Variants in DNAL1 observed in about 807,000 individuals in gnomAD.
The protein encoded by DNAL1 is chromosome 14 open reading frame 168.
Under a neutral mutation model 29.4 loss-of-function variants are expected in DNAL1, and 17 were observed. That is an observed-to-expected ratio of 0.58 (90% CI 0.40 to 0.87). The LOEUF is 0.87. Among genes scored for constraint, DNAL1 ranks in the 40% least tolerant of loss-of-function variants. The pLI, the probability that DNAL1 is intolerant of heterozygous loss-of-function variation, is 0.00. For synonymous variants in DNAL1, 78 were observed against 76.3 expected, an observed-to-expected ratio of 1.02 and a Z score of -0.12; for missense variants, 188 against 214.1, an observed-to-expected ratio of 0.88 and a Z score of 0.76.
chr14:73,667,540 C>G (rs1269290391), intron 4 of DNAL1, among the ~76,000 whole-genome samples: 1 of 152,128 alleles, frequency 6.6e-6, no homozygotes, highest in East Asian at 1.9e-4. Context: ...GCTCTGTCAC[C>G]CAGGCTGGAG....
chr14:73,655,174 T>A (rs961206285), intron 2 of DNAL1, among the ~76,000 whole-genome samples: 2 of 152,100 alleles, frequency 1.3e-5, no homozygotes, highest in Non-Finnish European at 2.9e-5. Context: ...TATACTGTAG[T>A]CATAAAATGT....
chr14:73,678,149 C>T (rs12434185), intron 5 of DNAL1, among the ~76,000 whole-genome samples: 34,256 of 149,902 alleles, frequency 0.23, 5,040 homozygotes, highest in Non-Finnish European at 0.34. Flanking sequence ...CTGCCCATGT[C>T]GGCCTCCCAA....
intron 1 of DNAL1, among the ~76,000 whole-genome samples, chr14:73,652,911 A>G (rs1891140715): frequency 6.6e-6 from 1 of 152,106 alleles, no homozygotes; most frequent in Non-Finnish European, 1.5e-5. Context: ...GCTTATTAGT[A>G]TGTCTTTACT....
intron 4 of DNAL1, among the ~76,000 whole-genome samples, chr14:73,664,736 T>C (rs1366370222): frequency 6.6e-6 from 1 of 152,000 alleles, no homozygotes; most frequent in Non-Finnish European, 1.5e-5. Context: ...CTGGGCATGG[T>C]GGTGTTTGCC....
In DNAL1 at chr14:73,696,312, A is replaced by G. The variant is rs1373963486; in HGVS notation, c.*370A>G. On this transcript the variant is annotated 3_prime_UTR_variant, in exon 8 of 8. Transcript: ENST00000553645. ...ATTTTTTTTAGGTTAGACATTTTAA[A>G]AGATGTACATTTGAAAATTCAGAAC... is the stretch of plus-strand genomic sequence containing the variant. 1 of 161,096 alleles carries G rather than the reference A, an allele frequency of 6.2e-6. No individual in the cohort carries two copies. The highest frequency in any genetic ancestry group is 2.4e-5 in the African/African-American group (1 of 41,640). 10.0% of individuals were successfully genotyped at this position (161,096 alleles called of 1,614,324 possible). A position where few individuals can be genotyped will look rare whatever the true frequency, so the allele number is the denominator to read the frequency against.
intron 4 of DNAL1, among the ~76,000 whole-genome samples, chr14:73,666,232 A>G (rs963060609): frequency 5.3e-5 from 8 of 152,210 alleles, no homozygotes; most frequent in African/African-American, 1.9e-4. Flanking sequence ...AGGTATTCCT[A>G]TTTAACAGGT....
chr14:73,687,595 G>A (rs1892049823), intron 6 of DNAL1, among the ~76,000 whole-genome samples: 1 of 152,176 alleles, frequency 6.6e-6, no homozygotes, highest in South Asian at 2.1e-4. Context: ...AGGATGGACC[G>A]GGCGCGGTGG....
chr14:73,654,703 G>A (rs533854521), intron 1 of DNAL1, 144 bp from the exon 2 acceptor site: 2 of 641,978 alleles, frequency 3.1e-6, no homozygotes, highest in Admixed American at 3.6e-5. Context: ...AGGTTGTGGT[G>A]AGCGGAAATC....
intron 5 of DNAL1, among the ~76,000 whole-genome samples, chr14:73,675,414 G>A (rs143486055): frequency 0.016 from 2,446 of 152,098 alleles, 67 homozygotes; most frequent in African/African-American, 0.055. Context: ...TAAGAAGCTG[G>A]CACTACAGGT....
chr14:73,680,898 GGTAA>G (rs1891860207), intron 5 of DNAL1, among the ~76,000 whole-genome samples: 1 of 152,046 alleles, frequency 6.6e-6, no homozygotes, highest in African/African-American at 2.4e-5. Context: ...GGAACACAAT[GGTAA>G]GTATTTGTAT....
At chr14:73,672,694 A>C (rs890115257) in intron 5 of DNAL1, among the ~76,000 whole-genome samples, 2 of 151,920 alleles carry the variant, frequency 1.3e-5, no homozygotes, top group African/African-American at 4.8e-5. Flanking sequence ...AATAACCATC[A>C]GATGAATTAT....
Position 73,696,068 on chromosome 14 carries a change from C to G in DNAL1, c.*126C>G. ...GTTTCTTAAGATAAAACAGATCACT[C>G]ATTCTCATCTTTTTTTTTCCTTTAA... On this transcript the variant is annotated 3_prime_UTR_variant, in exon 8 of 8. Coordinates refer to ENST00000553645, the MANE Select transcript of DNAL1 (RefSeq NM_031427.4). 2.3e-6 allele frequency: 2 copies of G among 869,588 alleles called. No homozygotes were observed. The highest frequency in any genetic ancestry group is 3.4e-6 in the Non-Finnish European group (2 of 581,800). The allele number at this position is 869,588 out of a possible 1,614,324, so 53.9% of individuals were successfully genotyped here.
chr14:73,677,120 G>A (rs572236087), intron 5 of DNAL1, among the ~76,000 whole-genome samples: 83 of 151,738 alleles, frequency 5.5e-4, no homozygotes, highest in Middle Eastern at 3.4e-3. Flanking sequence ...ACAGGCGCCC[G>A]CCCCCACACC....
chr14:73,701,822 C>T lies in DNAL1; in HGVS notation c.*5880C>T, dbSNP rs1211534292. The T allele has an allele frequency of 6.6e-6, 1 of 151,980 alleles. No homozygotes were observed. Among genetic ancestry groups the T allele is most frequent in the African/African-American group, 2.4e-5 (1 of 41,354 alleles). The allele number at this position is 151,980 out of a possible 1,614,324, so 9.4% of individuals were successfully genotyped here. A position where few individuals can be genotyped will look rare whatever the true frequency, so the allele number is the denominator to read the frequency against. On this transcript the variant is annotated 3_prime_UTR_variant, in exon 8 of 8. Transcript: ENST00000553645. Reference sequence around the variant, plus strand: ...TACCTTGGTAATAATCTTTTATACACAGGAGTTTTGTAGCATGACTTTATG... The same window carrying T: ...TACCTTGGTAATAATCTTTTATACATAGGAGTTTTGTAGCATGACTTTATG...
At chr14:73,650,950 C>A (rs1891100165) in intron 1 of DNAL1, among the ~76,000 whole-genome samples, 1 of 152,044 alleles carries the variant, frequency 6.6e-6, no homozygotes, top group Non-Finnish European at 1.5e-5. Context: ...CTGCTGAGAG[C>A]TTTTAACATC....
chr14:73,679,600 TCA>T (rs1441006718), intron 5 of DNAL1, among the ~76,000 whole-genome samples: 4 of 152,328 alleles, frequency 2.6e-5, no homozygotes, highest in South Asian at 2.1e-4. Flanking sequence ...GGCAATCTGA[TCA>T]CAGTTTCCAC....
intron 5 of DNAL1, among the ~76,000 whole-genome samples, chr14:73,677,657 C>T (rs868556182): frequency 4.7e-5 from 7 of 148,940 alleles, no homozygotes; most frequent in African/African-American, 9.9e-5. Flanking sequence ...CCCGGGTTCC[C>T]GCCATTCTCC....
intron 7 of DNAL1, among the ~76,000 whole-genome samples, chr14:73,694,839 G>A (rs927504563): frequency 4.0e-5 from 6 of 151,784 alleles, no homozygotes; most frequent in Middle Eastern, 3.4e-3. Context: ...ACAGGCATGC[G>A]CCACAACAGC....
intron 1 of DNAL1, among the ~76,000 whole-genome samples, chr14:73,649,509 C>G (rs1009671625): frequency 6.6e-6 from 1 of 151,380 alleles, no homozygotes; most frequent in African/African-American, 2.4e-5. Flanking sequence ...GTCTCGATCT[C>G]CTGACCTCGT....
Sources: gnomAD v4.1 joint callset for allele counts (sites outside exome capture counted in the v4.1 genomes callset) on GRCh38, gnomAD v4.1.1 for gene constraint, MANE v1.5 for transcripts, NCBI Gene and HGNC (gene_info 2026-07-23, HGNC 2026-07-21) for gene names.